Variants in RAB2A observed in about 807,000 individuals in gnomAD.
The protein encoded by RAB2A is ras-related protein Rab-2A.
A neutral mutation model predicts 32.5 loss-of-function variants in RAB2A; 7 were observed. That is an observed-to-expected ratio of 0.22 (90% CI 0.12 to 0.40). The LOEUF (loss-of-function observed/expected upper bound fraction) is 0.40, where lower values mean the gene tolerates loss of function less well. Among genes scored for constraint, RAB2A ranks in the 10% least tolerant of loss-of-function variants. RAB2A has a pLI of 1.00. For synonymous variants in RAB2A, 79 were observed against 85.2 expected, an observed-to-expected ratio of 0.93 and a Z score of 0.40; for missense variants, 108 against 260.7, an observed-to-expected ratio of 0.41 and a Z score of 4.03.
At chr8:60,534,646 G>C (rs1563460971) in intron 1 of RAB2A, among the ~76,000 whole-genome samples, 1 of 152,110 alleles carries the variant, frequency 6.6e-6, no homozygotes, top group Non-Finnish European at 1.5e-5. Flanking sequence ...TTGCCAAGAA[G>C]GTTTGATGAC....
intron 3 of RAB2A, among the ~76,000 whole-genome samples, chr8:60,573,066 T>G (rs1808220038): frequency 8.8e-6 from 1 of 114,232 alleles, no homozygotes; most frequent in Non-Finnish European, 1.6e-5. Flanking sequence ...ATTAAGAAAA[T>G]CCAGCCTCAC....
At chr8:60,542,473 G>T (rs962483550) in intron 1 of RAB2A, among the ~76,000 whole-genome samples, 1 of 151,946 alleles carries the variant, frequency 6.6e-6, no homozygotes, top group Non-Finnish European at 1.5e-5. Flanking sequence ...TCGAGATCGC[G>T]CCACTGTACT....
chr8:60,583,001 G>A (rs903761565), intron 3 of RAB2A, among the ~76,000 whole-genome samples: 63 of 151,660 alleles, frequency 4.2e-4, no homozygotes, highest in East Asian at 1.9e-4. Context: ...GCTATATGCC[G>A]GACCCAGTGC....
intron 6 of RAB2A, among the ~76,000 whole-genome samples, chr8:60,595,522 T>C (rs1804007853): frequency 6.6e-6 from 1 of 152,154 alleles, no homozygotes; most frequent in Non-Finnish European, 1.5e-5. Flanking sequence ...AATACAACAG[T>C]ACAGTTAGGT....
chr8:60,525,985 G>GTA (rs1467763987), intron 1 of RAB2A, among the ~76,000 whole-genome samples: 1 of 113,752 alleles, frequency 8.8e-6, no homozygotes, highest in East Asian at 2.6e-4. Context: ...ATGTCTATAT[G>GTA]TATATATGTC....
At chr8:60,533,829 G>T (rs1407811640) in intron 1 of RAB2A, among the ~76,000 whole-genome samples, 1 of 152,138 alleles carries the variant, frequency 6.6e-6, no homozygotes, top group Admixed American at 6.5e-5. Context: ...AATTAGCTGG[G>T]CGTGGTGGTG....
intron 1 of RAB2A, among the ~76,000 whole-genome samples, chr8:60,520,709 C>T (rs939939841): frequency 2.0e-5 from 3 of 152,238 alleles, no homozygotes; most frequent in Non-Finnish European, 2.9e-5. Flanking sequence ...CCTCTCTTCC[C>T]TCATTCTGTT....
At chr8:60,606,008 G>T (rs1299478872) in intron 6 of RAB2A, among the ~76,000 whole-genome samples, 3 of 151,978 alleles carry the variant, frequency 2.0e-5, no homozygotes, top group Non-Finnish European at 4.4e-5. Flanking sequence ...AATTAGCCGG[G>T]CGTGGTGGCT....
intron 1 of RAB2A, among the ~76,000 whole-genome samples, chr8:60,547,697 G>T (rs1329152037): frequency 1.7e-5 from 2 of 117,220 alleles, no homozygotes; most frequent in South Asian, 2.9e-4. Flanking sequence ...CTGGCCGGGC[G>T]GGGGGGCTGA....
intron 1 of RAB2A, among the ~76,000 whole-genome samples, chr8:60,536,708 G>A (rs1347287194): frequency 6.6e-6 from 1 of 152,146 alleles, no homozygotes; most frequent in Non-Finnish European, 1.5e-5. Flanking sequence ...TTCACTTATA[G>A]AATGTTCCTT....
chr8:60,517,330 T>G (rs1407176031), intron 1 of RAB2A, 77 bp downstream of exon 1: 2 of 1,306,332 alleles, frequency 1.5e-6, no homozygotes, highest in Non-Finnish European at 2.0e-6. Context: ...CGTCTGGCGG[T>G]GGCGGGGACG....
intron 6 of RAB2A, among the ~76,000 whole-genome samples, chr8:60,617,984 T>C (rs1804475439): frequency 6.6e-6 from 1 of 152,262 alleles, no homozygotes. Flanking sequence ...TTGTGGCGTT[T>C]TGTGTCTGCC....
chr8:60,526,503 C>T (rs1807391681), intron 1 of RAB2A, among the ~76,000 whole-genome samples: 1 of 152,208 alleles, frequency 6.6e-6, no homozygotes, highest in African/African-American at 2.4e-5. Context: ...CTGGATAATA[C>T]ATGCTAATCT....
intron 6 of RAB2A, among the ~76,000 whole-genome samples, chr8:60,601,215 T>TGCTAACATAGTTTTTTCACGAGA (rs148578207): frequency 6.6e-6 from 1 of 151,974 alleles, no homozygotes; most frequent in Non-Finnish European, 1.5e-5. Context: ...ACTAGATTTT[T>TGCTAACATAGTTTTTTCACGAGA]GCTCTGTATG....
At chr8:60,565,895 A>G (rs1423433719) in intron 2 of RAB2A, among the ~76,000 whole-genome samples, 1 of 151,444 alleles carries the variant, frequency 6.6e-6, no homozygotes, top group Non-Finnish European at 1.5e-5. Context: ...TGTTTCTTTC[A>G]GTAGAGATGG....
At chr8:60,568,134 A>G (rs1342530130) in intron 2 of RAB2A, among the ~76,000 whole-genome samples, 1 of 152,212 alleles carries the variant, frequency 6.6e-6, no homozygotes, top group Non-Finnish European at 1.5e-5. Flanking sequence ...AATGGGGGAT[A>G]GGAGTCCATA....
At chr8:60,517,912 G>A (rs1242474717) in intron 1 of RAB2A, among the ~76,000 whole-genome samples, 2 of 152,166 alleles carry the variant, frequency 1.3e-5, no homozygotes, top group Admixed American at 6.5e-5. Flanking sequence ...AGGAAAGCAT[G>A]AACGAGTTCT....
intron 6 of RAB2A, among the ~76,000 whole-genome samples, chr8:60,596,980 CTT>C (rs1477386642): frequency 6.6e-6 from 1 of 152,062 alleles, no homozygotes; most frequent in Non-Finnish European, 1.5e-5. Context: ...AATAGGAACA[CTT>C]TTACATTGTT....
chr8:60,576,546 C>T lies in RAB2A; in HGVS notation c.186+4433C>T, dbSNP rs979392248. Among the ~76,000 whole-genome samples the T allele has an allele frequency of 2.0e-5, 3 of 152,188 alleles. No individual in the cohort carries two copies. In the East Asian group the frequency reaches 5.8e-4, roughly 29 times the overall value. On this transcript the variant is annotated intron_variant, in intron 3 of 7. Coordinates refer to ENST00000262646, the MANE Select transcript of RAB2A (RefSeq NM_002865.3). ...TCTTATATCAAGTAAGTCAGTGAAACTTTTGACCAAATTGTGTGAAAACTA... is the reference window on the plus strand; with the variant it reads ...TCTTATATCAAGTAAGTCAGTGAAATTTTTGACCAAATTGTGTGAAAACTA...
Sources: gnomAD v4.1 joint callset for allele counts (sites outside exome capture counted in the v4.1 genomes callset) on GRCh38, gnomAD v4.1.1 for gene constraint, MANE v1.5 for transcripts, NCBI Gene and HGNC (gene_info 2026-07-23, HGNC 2026-07-21) for gene names.